The following KIF16B variants were observed in gnomAD, a reference collection of about 807,000 sequenced individuals.
KIF16B encodes the protein kinesin family member 16B, also known as kinesin-like protein KIF16B.
A neutral mutation model predicts 156.3 loss-of-function variants in KIF16B; 98 were observed. The observed-to-expected ratio is 0.63, with a 90% CI of 0.53 to 0.74. The LOEUF (loss-of-function observed/expected upper bound fraction) is 0.74, where lower values mean the gene tolerates loss of function less well. Among genes scored for constraint, KIF16B ranks in the 30% least tolerant of loss-of-function variants. The pLI is 0.00. For missense variants in KIF16B, 1,421 were observed against 1,606.5 expected (o/e 0.88, Z 1.97); for synonymous variants, 564 against 583.7 (o/e 0.97, Z 0.49).
At chr20:16,386,011 G>T (rs1490770566) in intron 17 of KIF16B, among the ~76,000 whole-genome samples, 1 of 152,152 alleles carries the variant, frequency 6.6e-6, no homozygotes, top group East Asian at 1.9e-4. Context: ...TGTTTACAAA[G>T]GGTCATCCAA....
At chr20:16,450,151 T>A (rs1330153455) in intron 12 of KIF16B, among the ~76,000 whole-genome samples, 1 of 152,220 alleles carries the variant, frequency 6.6e-6, no homozygotes, top group Non-Finnish European at 1.5e-5. Flanking sequence ...TTTATGAGCA[T>A]TTGGTCAAAA....
intron 24 of KIF16B, among the ~76,000 whole-genome samples, chr20:16,323,929 A>C (rs779768506): frequency 7.2e-5 from 11 of 151,892 alleles, no homozygotes; most frequent in Non-Finnish European, 1.3e-4. Flanking sequence ...TAAATATTGT[A>C]ACTTTTCCAC....
At chr20:16,424,070 C>T (rs1004154317) in intron 15 of KIF16B, among the ~76,000 whole-genome samples, 1 of 152,080 alleles carries the variant, frequency 6.6e-6, no homozygotes, top group Admixed American at 6.6e-5. Context: ...TTCTACATTG[C>T]TAGAGCCCTT....
At chr20:16,385,430 G>A (rs1046789184) in intron 17 of KIF16B, among the ~76,000 whole-genome samples, 1 of 152,140 alleles carries the variant, frequency 6.6e-6, no homozygotes, top group African/African-American at 2.4e-5. Flanking sequence ...CAGGAAGGCA[G>A]AACATAACTA....
intron 1 of KIF16B, among the ~76,000 whole-genome samples, chr20:16,540,903 A>G: frequency 6.6e-6 from 1 of 152,146 alleles, no homozygotes; most frequent in East Asian, 1.9e-4. Flanking sequence ...TTTCTTACCC[A>G]ATGGTTTGCA....
At chr20:16,349,514 C>A (rs1053355310) in intron 23 of KIF16B, among the ~76,000 whole-genome samples, 13 of 152,202 alleles carry the variant, frequency 8.5e-5, no homozygotes, top group Non-Finnish European at 2.9e-5. Flanking sequence ...GGCCCTAGTT[C>A]CTGCTTTTAC....
At chr20:16,365,376 T>C (rs1357406628) in intron 22 of KIF16B, among the ~76,000 whole-genome samples, 1 of 152,190 alleles carries the variant, frequency 6.6e-6, no homozygotes, top group Non-Finnish European at 1.5e-5. Context: ...AATGATGTCC[T>C]CATCAAAGAG....
rs1002320251 is a variant in KIF16B, at chr20:16,379,741, T to C, written c.2261A>G (p.Gln754Arg). The C allele has an allele frequency of 1.2e-6, 2 of 1,614,092 alleles. No individual in the cohort carries two copies. Among genetic ancestry groups the C allele is most frequent in the African/African-American group, 1.3e-5 (1 of 74,934 alleles). The change falls in exon 19 of 26, where the codon CAG (glutamine) becomes CGG (arginine). Residue 754 changes from glutamine (Q) to arginine (R), a missense_variant. Coordinates refer to ENST00000354981, the MANE Select transcript of KIF16B (RefSeq NM_024704.5). ...CACGAGCATGACCTGCTCCTTCTCC[T>C]GCTCCTCTAGTCTCTTTTTTTCCAG... The part of the protein sequence containing the change: ...LELEKKRLEE[Q>R]EKEQVMLVAH...
At chr20:16,431,862 T>TATATATATATATAC (rs1273160068) in intron 12 of KIF16B, among the ~76,000 whole-genome samples, 2 of 142,248 alleles carry the variant, frequency 1.4e-5, no homozygotes, top group African/African-American at 5.2e-5. Flanking sequence ...TATTAGTGTG[T>TATATATATATATAC]ATATATATAT....
At chr20:16,481,053 A>C (rs1055768312) in intron 12 of KIF16B, among the ~76,000 whole-genome samples, 2 of 151,766 alleles carry the variant, frequency 1.3e-5, no homozygotes, top group African/African-American at 4.8e-5. Context: ...GTGCTTTCCA[A>C]CTCTTCTGAG....
rs1365215272 is a variant in KIF16B, at chr20:16,282,993, T to C, written c.3796-9582A>G. Among the ~76,000 whole-genome samples, 4 of 152,200 alleles carry C rather than the reference T, an allele frequency of 2.6e-5. No individual in the cohort carries two copies. In the East Asian group the frequency reaches 5.8e-4, roughly 22 times the overall value. On this transcript the variant is annotated intron_variant, in intron 25 of 25. Transcript: ENST00000354981. Reference sequence around the variant, plus strand: ...TGCCCGAAGGTACTTGAAACCACCATAAAACGTCATTGGAACCTCCAGTGT... The same window carrying C: ...TGCCCGAAGGTACTTGAAACCACCACAAAACGTCATTGGAACCTCCAGTGT...
intron 1 of KIF16B, among the ~76,000 whole-genome samples, chr20:16,562,659 A>G (rs1488375001): frequency 6.6e-6 from 1 of 152,236 alleles, no homozygotes; most frequent in Non-Finnish European, 1.5e-5. Context: ...AACAGCCATG[A>G]ACAAGATCTA....
At chr20:16,359,654 C>CAAAAAA (rs577102110) in intron 22 of KIF16B, among the ~76,000 whole-genome samples, 1 of 78,730 alleles carries the variant, frequency 1.3e-5, no homozygotes, top group Non-Finnish European at 2.7e-5. Flanking sequence ...AGATTCTTTA[C>CAAAAAA]AAAAAAAAAA....
intron 1 of KIF16B, among the ~76,000 whole-genome samples, chr20:16,571,881 G>A (rs1026377642): frequency 6.6e-6 from 1 of 152,016 alleles, no homozygotes; most frequent in Non-Finnish European, 1.5e-5. Flanking sequence ...CGCCCGCCTC[G>A]GCCTCCCAAA....
intron 4 of KIF16B, among the ~76,000 whole-genome samples, chr20:16,513,435 G>C (rs2069024758): frequency 6.6e-6 from 1 of 152,070 alleles, no homozygotes; most frequent in Non-Finnish European, 1.5e-5. Context: ...GAGGCGGGTG[G>C]ATCACCTGAG....
At chr20:16,378,409 A>C (rs1187234882) in intron 19 of KIF16B, among the ~76,000 whole-genome samples, 1 of 152,010 alleles carries the variant, frequency 6.6e-6, no homozygotes, top group Non-Finnish European at 1.5e-5. Flanking sequence ...AGGGAACTGA[A>C]GGGGAAGAAG....
chr20:16,384,455 G>C (rs2065180170), intron 17 of KIF16B, among the ~76,000 whole-genome samples: 1 of 152,134 alleles, frequency 6.6e-6, no homozygotes. Context: ...AATCAGCTTT[G>C]GGCTTGCTAT....
chr20:16,315,298 G>A (rs946111060), intron 24 of KIF16B, among the ~76,000 whole-genome samples: 3 of 152,108 alleles, frequency 2.0e-5, no homozygotes, highest in Non-Finnish European at 2.9e-5. Context: ...CCAATTCTAA[G>A]TGACTTTCAG....
At chr20:16,335,385 G>A (rs1294972879) in intron 24 of KIF16B, among the ~76,000 whole-genome samples, 1 of 152,132 alleles carries the variant, frequency 6.6e-6, no homozygotes. Flanking sequence ...AATACCCTCT[G>A]GATATTTGAT....
Sources: allele counts gnomAD v4.1 joint callset (sites outside exome capture counted in the v4.1 genomes callset), GRCh38; gene constraint gnomAD v4.1.1; transcripts MANE v1.5; gene names NCBI Gene and HGNC (gene_info 2026-07-23, HGNC 2026-07-21).